Variants in SYNE2 observed in about 807,000 individuals in gnomAD.
SYNE2 encodes nesprin-2.
Under a neutral mutation model 856.3 loss-of-function variants are expected in SYNE2, and 431 were observed. The ratio of observed to expected loss-of-function variants is 0.50; its 90% CI spans 0.47 to 0.55. The LOEUF (loss-of-function observed/expected upper bound fraction) is 0.55, where lower values mean the gene tolerates loss of function less well. Among genes scored for constraint, SYNE2 ranks in the 20% least tolerant of loss-of-function variants. The probability of loss-of-function intolerance (pLI) is 0.00; values close to 1 mark genes in which losing one functional copy is unlikely to be tolerated. For synonymous variants in SYNE2, 2,923 were observed against 2,872.3 expected, an observed-to-expected ratio of 1.02 and a Z score of -0.56; for missense variants, 8,129 against 8,023.2, an observed-to-expected ratio of 1.01 and a Z score of -0.50.
chr14:64,007,562 C>T (rs2096806429), intron 31 of SYNE2, among the ~76,000 whole-genome samples: 1 of 152,138 alleles, frequency 6.6e-6, no homozygotes, highest in Non-Finnish European at 1.5e-5. Flanking sequence ...GATTTATTAC[C>T]TTATGCTTCT....
intron 61 of SYNE2, among the ~76,000 whole-genome samples, chr14:64,097,542 T>TA (rs1215461383): frequency 3.9e-5 from 6 of 152,242 alleles, no homozygotes; most frequent in Non-Finnish European, 8.8e-5. Flanking sequence ...ATAAGGCACT[T>TA]ATGCAGTGTT....
chr14:64,098,593 G>T, intron 62 of SYNE2, 154 bp from the exon 63 acceptor site: 1 of 742,978 alleles, frequency 1.3e-6, no homozygotes. Flanking sequence ...CTGGCTGGAG[G>T]AGCTGAACGG....
chr14:63,822,473 A>G (rs1889260176), intron 1 of SYNE2, among the ~76,000 whole-genome samples: 1 of 152,182 alleles, frequency 6.6e-6, no homozygotes, highest in East Asian at 1.9e-4. Flanking sequence ...GTTGAAAACA[A>G]TCAGTGGCAA....
At position 64,065,557 on chromosome 14, in the gene SYNE2, G is replaced by T. The variant is rs766883011; in HGVS notation, c.10338G>T (p.Leu3446=). The T allele has an allele frequency of 1.9e-6, 3 of 1,614,058 alleles. No individual in the cohort carries two copies. Among genetic ancestry groups the T allele is most frequent in the Non-Finnish European group, 2.5e-6 (3 of 1,180,048 alleles). ...GTTTGCTCAAGATTGTGTCGGCTCT[G>T]TGGGAGAAATGGCTGAGTTTGCTGG... ...GICLLKIVSA[L]WEKWLSLLEA... is the part of the protein sequence containing the mutation. Residue 3446 remains leucine (L), a synonymous_variant, in exon 51 of 116, where the codon CTG becomes CTT. Transcript: ENST00000555002.
At chr14:63,765,689 A>T (rs964075596) in intron 1 of SYNE2, among the ~76,000 whole-genome samples, 1 of 152,192 alleles carries the variant, frequency 6.6e-6, no homozygotes, top group African/African-American at 2.4e-5. Flanking sequence ...AACAACAAGA[A>T]ATATGAAACT....
At chr14:64,062,017 T>C (rs962801529) in intron 49 of SYNE2, among the ~76,000 whole-genome samples, 3 of 152,222 alleles carry the variant, frequency 2.0e-5, no homozygotes, top group Non-Finnish European at 4.4e-5. Flanking sequence ...TAATTTGATA[T>C]AGAGTTTTTA....
At chr14:63,905,483 A>C (rs1274307212) in intron 1 of SYNE2, among the ~76,000 whole-genome samples, 2 of 152,064 alleles carry the variant, frequency 1.3e-5, no homozygotes, top group Non-Finnish European at 2.9e-5. Context: ...GATTTCTTTC[A>C]GCAGTGTTTT....
At chr14:63,892,066 A>C (rs1282639204) in intron 1 of SYNE2, among the ~76,000 whole-genome samples, 1 of 152,196 alleles carries the variant, frequency 6.6e-6, no homozygotes, top group Non-Finnish European at 1.5e-5. Flanking sequence ...TTGCTGCCAA[A>C]CATTTCAAAT....
chr14:63,882,825 A>T (rs1468231568), intron 1 of SYNE2, among the ~76,000 whole-genome samples: 2 of 152,188 alleles, frequency 1.3e-5, no homozygotes, highest in African/African-American at 4.8e-5. Flanking sequence ...CTCAGGATGG[A>T]GCTCAGAGAC....
In SYNE2 at chr14:64,141,967, G is replaced by A. The variant is rs760110795; in HGVS notation, c.15185G>A (p.Arg5062His). Reference protein sequence around the residue: ...HQLQMEKLPSRKAITEMISWM... With the variant: ...HQLQMEKLPSHKAITEMISWM... ...CTTCAAATGGAGAAATTGCCGTCTC[G>A]TAAAGCAATCACAGAAATGATTAGC... Residue 5062 changes from arginine (R) to histidine (H), a missense_variant, in exon 82 of 116, where the codon CGT (arginine) becomes CAT (histidine). By Grantham distance (29) the Arg-to-His change is conservative. Coordinates refer to ENST00000555002, the MANE Select transcript of SYNE2 (RefSeq NM_182914.3). 9.1e-5 allele frequency: 147 copies of A among 1,613,896 alleles called. No homozygotes were observed. Among genetic ancestry groups the A allele is most frequent in the African/African-American group, 1.2e-4 (9 of 74,902 alleles).
intron 28 of SYNE2, among the ~76,000 whole-genome samples, chr14:64,001,564 G>C (rs900378500): frequency 1.3e-5 from 2 of 152,178 alleles, no homozygotes; most frequent in African/African-American, 4.8e-5. Flanking sequence ...TGGATATTGG[G>C]ATGCTTTTTG....
At chr14:63,964,031 T>C (rs1595906342) in intron 10 of SYNE2, 31 bp downstream of exon 10, 1 of 1,346,240 alleles carries the variant, frequency 7.4e-7, no homozygotes, top group Non-Finnish European at 1.1e-6. Flanking sequence ...CTGTTTGTAA[T>C]TTACCTTTTA....
chr14:63,909,243 TGGGG>T lies in SYNE2; in HGVS notation c.79+18_79+21del. On this transcript the variant is annotated intron_variant, in intron 2 of 115. Transcript: ENST00000555002. ...TCATTGCAAGGTAATTAAGATTGGGTGGGGGTAACACCCACAGAAACTGGGGAAA... is the reference window on the plus strand; with the variant it reads ...TCATTGCAAGGTAATTAAGATTGGGTGTAACACCCACAGAAACTGGGGAAA... 3 of 1,585,146 alleles carry T rather than the reference TGGGG, an allele frequency of 1.9e-6. No homozygotes were observed. The highest frequency in any genetic ancestry group is 1.7e-5 in the Admixed American group (1 of 59,688).
chr14:64,172,428 C>T (rs1403021427), intron 94 of SYNE2, among the ~76,000 whole-genome samples: 2 of 152,086 alleles, frequency 1.3e-5, no homozygotes, highest in African/African-American at 4.8e-5. Flanking sequence ...CAGTGGAGCT[C>T]CTCTCCTTGG....
chr14:63,771,901 AG>A (rs1886929492), intron 1 of SYNE2, among the ~76,000 whole-genome samples: 1 of 151,886 alleles, frequency 6.6e-6, no homozygotes, highest in African/African-American at 2.4e-5. Flanking sequence ...TGTCTCAAAA[AG>A]CAAAAACAAA....
At chr14:64,185,005 C>T (rs1316235997) in intron 96 of SYNE2, among the ~76,000 whole-genome samples, 2 of 152,224 alleles carry the variant, frequency 1.3e-5, no homozygotes, top group Admixed American at 6.5e-5. Flanking sequence ...CTTGTCATCC[C>T]CACACTTCAG....
At chr14:64,142,154 T>TG (rs2098143494) in intron 82 of SYNE2, 66 bp downstream of exon 82, 3 of 1,573,314 alleles carry the variant, frequency 1.9e-6, no homozygotes, top group Non-Finnish European at 2.6e-6. Context: ...GGGGTAATGC[T>TG]GGACAAAGGG....
At chr14:64,215,185 A>G (rs1316542466) in intron 106 of SYNE2, 101 bp from the exon 107 acceptor site, 9 of 1,073,964 alleles carry the variant, frequency 8.4e-6, no homozygotes, top group South Asian at 2.5e-5. Context: ...AATAAAGGGT[A>G]GTTTTCTCCT....
chr14:64,159,525 G>C (rs1248366907), intron 87 of SYNE2, 83 bp downstream of exon 87: 1 of 1,508,848 alleles, frequency 6.6e-7, no homozygotes, highest in Admixed American at 1.8e-5. Context: ...GCATTGTAAA[G>C]TCTTCTTCCT....
Sources: gnomAD v4.1 joint callset for allele counts (sites outside exome capture counted in the v4.1 genomes callset) on GRCh38, gnomAD v4.1.1 for gene constraint, MANE v1.5 for transcripts, NCBI Gene and HGNC (gene_info 2026-07-23, HGNC 2026-07-21) for gene names.